Variants in LINGO1 observed in about 807,000 individuals in gnomAD.
LINGO1 encodes leucine-rich repeat and immunoglobulin-like domain-containing nogo receptor-interacting protein 1.
In LINGO1, 11 loss-of-function variants were observed where a neutral mutation model predicts 37.3. The ratio of observed to expected loss-of-function variants is 0.29; its 90% CI spans 0.19 to 0.49. The LOEUF is 0.49. Among genes scored for constraint, LINGO1 ranks in the 20% least tolerant of loss-of-function variants. The pLI is 0.99. For synonymous variants in LINGO1, 387 were observed against 403.0 expected (o/e 0.96, Z 0.48); for missense variants, 585 against 878.2 (o/e 0.67, Z 4.22).
intron 3 of LINGO1, among the ~76,000 whole-genome samples, chr15:77,666,409 T>C (rs1289729850): frequency 6.6e-6 from 1 of 152,208 alleles, no homozygotes; most frequent in African/African-American, 2.4e-5. Flanking sequence ...AATATGGGGC[T>C]AAGATGAGTG....
upstream of LINGO1, among the ~76,000 whole-genome samples, chr15:77,633,983 C>T (rs1335712310): frequency 6.6e-6 from 1 of 152,178 alleles, no homozygotes; most frequent in African/African-American, 2.4e-5. Context: ...TGACACCGCC[C>T]GGCACGGCCA....
chr15:77,632,437 C>T lies in LINGO1; in HGVS notation c.-122G>A. On this transcript the variant is annotated 5_prime_UTR_variant, in exon 1 of 2. Transcript: ENST00000355300. This position sits in a 1 kb window ranked among gnomAD's most constrained non-coding sequence, Gnocchi z 6.0. ...GTTTCCTCCTCCTCCGACACCTCCG[C>T]CCGGCAGTCCGCGCGCCCTCGCGGG... 1 of 1,096,768 alleles carries T rather than the reference C, an allele frequency of 9.1e-7. No homozygotes were observed. The highest frequency in any genetic ancestry group is 1.2e-6 in the Non-Finnish European group (1 of 862,514). The allele number at this position is 1,096,768 out of a possible 1,614,324, so 67.9% of individuals were successfully genotyped here.
At chr15:77,740,885 C>A (rs2076256494) in intron 1 of LINGO1, among the ~76,000 whole-genome samples, 1 of 152,220 alleles carries the variant, frequency 6.6e-6, no homozygotes, top group Non-Finnish European at 1.5e-5. Flanking sequence ...AGTGCTTCTG[C>A]CGAGCTATGC....
intron 1 of LINGO1, among the ~76,000 whole-genome samples, chr15:77,772,756 A>G (rs1182134453): frequency 1.3e-5 from 2 of 152,096 alleles, no homozygotes; most frequent in African/African-American, 2.4e-5. Flanking sequence ...GTGGACAGTA[A>G]TAAAGCCAGA....
chr15:77,669,500 G>A (rs1416020003), intron 3 of LINGO1, among the ~76,000 whole-genome samples: 1 of 152,132 alleles, frequency 6.6e-6, no homozygotes, highest in Non-Finnish European at 1.5e-5. Context: ...AGGGAGAGAG[G>A]ACATCCTGGC....
chr15:77,787,958 T>G (rs916405415), upstream of LINGO1: 2 of 151,536 alleles, frequency 1.3e-5, no homozygotes, highest in African/African-American at 4.9e-5. Context: ...TCCCGAGACG[T>G]GGAGCTGTCC....
chr15:77,726,077 A>G (rs28409660), intron 2 of LINGO1, among the ~76,000 whole-genome samples: 17,040 of 152,220 alleles, frequency 0.11, 1,139 homozygotes, highest in African/African-American at 0.18. Context: ...CAGCACCTTC[A>G]TCTGAGTCAT....
chr15:77,798,190 C>G (rs1328558491), intron 1 of LINGO1, among the ~76,000 whole-genome samples: 1 of 152,218 alleles, frequency 6.6e-6, no homozygotes, highest in Non-Finnish European at 1.5e-5. Flanking sequence ...GCCTAGGACA[C>G]AGGGGTAGCA....
upstream of LINGO1, among the ~76,000 whole-genome samples, chr15:77,633,869 C>A (rs2074339991): frequency 6.6e-6 from 1 of 152,194 alleles, no homozygotes; most frequent in Non-Finnish European, 1.5e-5. Context: ...GAGTAGGTTA[C>A]CACCCTCAGG....
chr15:77,652,096 G>A (rs2074770101), intron 3 of LINGO1: 1 of 152,194 alleles, frequency 6.6e-6, no homozygotes. Flanking sequence ...CTGAAAAGCA[G>A]GCACGAATAG....
chr15:77,755,994 C>A (rs1306350183), intron 1 of LINGO1, among the ~76,000 whole-genome samples: 1 of 152,202 alleles, frequency 6.6e-6, no homozygotes, highest in African/African-American at 2.4e-5. Flanking sequence ...TCCTCCCCAT[C>A]CTGTCTGGAC....
At chr15:77,771,120 C>A (rs549337569) in intron 1 of LINGO1, among the ~76,000 whole-genome samples, 1 of 152,162 alleles carries the variant, frequency 6.6e-6, no homozygotes, top group Non-Finnish European at 1.5e-5. Context: ...AAGTCCTTCT[C>A]GAGGGAGAGT....
intron 1 of LINGO1, among the ~76,000 whole-genome samples, chr15:77,624,410 T>C (rs1455681796): frequency 6.6e-6 from 1 of 152,132 alleles, no homozygotes; most frequent in East Asian, 1.9e-4. Context: ...CTGCTTGTCC[T>C]GGGTCACCCT....
In LINGO1 at chr15:77,655,622, C is replaced by T. The variant is rs558661134; in HGVS notation, c.-13+21467G>A. 2.0e-5 allele frequency among the ~76,000 whole-genome samples: 3 copies of T among 152,330 alleles called. No individual in the cohort carries two copies. The South Asian group carries it at 6.2e-4, about 32-fold the overall frequency. On this transcript the variant is annotated intron_variant, in intron 3 of 3. Transcript: ENST00000559893. Reference sequence around the variant, plus strand: ...TGGCCGCTCCACTGGCTGCACACCACTGGAAACCTTCAAGGTAGGTACCAC... The same window carrying T: ...TGGCCGCTCCACTGGCTGCACACCATTGGAAACCTTCAAGGTAGGTACCAC...
At chr15:77,756,471 ATGAC>A (rs1387431712) in intron 1 of LINGO1, among the ~76,000 whole-genome samples, 3 of 140,840 alleles carry the variant, frequency 2.1e-5, no homozygotes, top group South Asian at 4.4e-4. Context: ...CTGACATACA[ATGAC>A]AGACAGACAG....
chr15:77,751,768 G>C (rs537518291), intron 1 of LINGO1, among the ~76,000 whole-genome samples: 1 of 152,182 alleles, frequency 6.6e-6, no homozygotes, highest in Non-Finnish European at 1.5e-5. Context: ...AGAAGTTAGG[G>C]AAGAAGATCT....
intron 1 of LINGO1, among the ~76,000 whole-genome samples, chr15:77,780,790 G>C (rs1381069447): frequency 6.6e-6 from 1 of 151,036 alleles, no homozygotes; most frequent in Non-Finnish European, 1.5e-5. Flanking sequence ...CCCCCACCAT[G>C]TGAGGACACA....
chr15:77,636,581 T>C (rs150214315), upstream of LINGO1, among the ~76,000 whole-genome samples: 111 of 152,198 alleles, frequency 7.3e-4, no homozygotes, highest in African/African-American at 2.4e-3. Context: ...GGACCCCGTG[T>C]TCTACTTTAT....
upstream of LINGO1, chr15:77,787,083 TG>T (rs2076778891): frequency 6.6e-6 from 1 of 151,572 alleles, no homozygotes; most frequent in Admixed American, 6.5e-5. Context: ...GGAAACCAGC[TG>T]GATCACACTG....
Sources: gnomAD v4.1 joint callset for allele counts (sites outside exome capture counted in the v4.1 genomes callset) on GRCh38, gnomAD v4.1.1 for gene constraint, Gnocchi (gnomAD v3.1) non-coding constraint, MANE v1.5 for transcripts, NCBI Gene and HGNC (gene_info 2026-07-23, HGNC 2026-07-21) for gene names.